TTC1: variants seen among roughly 807,000 people sequenced by gnomAD.
TTC1 encodes tetratricopeptide repeat protein 1.
In TTC1, 31 loss-of-function variants were observed where a neutral mutation model predicts 37.6. That is an observed-to-expected ratio of 0.82 (90% CI 0.62 to 1.11). The LOEUF (loss-of-function observed/expected upper bound fraction) is 1.11, where lower values mean the gene tolerates loss of function less well. Ranked by LOEUF, TTC1 falls within the 50% of genes most tolerant of loss-of-function variation. TTC1 has a pLI of 0.00. For missense variants in TTC1, 351 were observed against 339.0 expected, an observed-to-expected ratio of 1.04 and a Z score of -0.28; for synonymous variants, 127 against 122.4, an observed-to-expected ratio of 1.04 and a Z score of -0.25.
intron 7 of TTC1, among the ~76,000 whole-genome samples, chr5:160,061,058 C>A (rs1285237589): frequency 6.6e-6 from 1 of 152,246 alleles, no homozygotes; most frequent in Non-Finnish European, 1.5e-5. Flanking sequence ...TCAGTGGCCT[C>A]CTGTGGCACG....
At chr5:160,012,565 C>T (rs1245179672) in intron 2 of TTC1, among the ~76,000 whole-genome samples, 1 of 151,968 alleles carries the variant, frequency 6.6e-6, no homozygotes, top group East Asian at 1.9e-4. Context: ...GACAGTGTCT[C>T]ACCATGTTGC....
In TTC1 at chr5:160,045,526, T is replaced by A. The variant is rs1757213280; in HGVS notation, c.541+2357T>A. On this transcript the variant is annotated intron_variant, in intron 5 of 7. Transcript: ENST00000231238. ...CACACACACACACATACACACTCTC[T>A]CTCTCTCTCTCTCTCTCTCTCTCTC... Among the ~76,000 whole-genome samples the A allele has an allele frequency of 1.3e-3, 162 of 122,848 alleles. 1 individual carries two copies. The highest frequency in any genetic ancestry group is 2.5e-3 in the African/African-American group (78 of 31,076). 80.6% of individuals were successfully genotyped at this position (122,848 alleles called of 152,430 possible).
At chr5:160,032,655 C>T (rs2113365496) in intron 2 of TTC1, among the ~76,000 whole-genome samples, 1 of 142,492 alleles carries the variant, frequency 7.0e-6, no homozygotes, top group African/African-American at 2.6e-5. Flanking sequence ...CACTAAAAGA[C>T]ATGCATTCTG....
intron 2 of TTC1, among the ~76,000 whole-genome samples, chr5:160,025,105 G>A (rs916322843): frequency 1.3e-5 from 2 of 152,202 alleles, no homozygotes; most frequent in African/African-American, 2.4e-5. Context: ...TCAGCCCACT[G>A]CAACCTCTGC....
intron 2 of TTC1, chr5:160,023,617 G>A (rs1294704679): frequency 1.5e-5 from 12 of 788,470 alleles, no homozygotes; most frequent in South Asian, 3.6e-5. Context: ...GTTTTATCAC[G>A]AAACAGATCC....
rs147287039 is a variant in TTC1 at position 160,045,327 on chromosome 5, T to G, written c.541+2158T>G. Among the ~76,000 whole-genome samples the G allele has an allele frequency of 3.8e-3, 580 of 152,208 alleles. 1 individual carries two copies. Among genetic ancestry groups the G allele is most frequent in the Non-Finnish European group, 5.4e-3 (370 of 68,006 alleles). ...AGTGTTTTCCGCATTTGTTTTTGGA[T>G]TTGCTTAAACTAATATTTATGTGGT... On this transcript the variant is annotated intron_variant, in intron 5 of 7. Coordinates refer to ENST00000231238, the MANE Select transcript of TTC1 (RefSeq NM_003314.3).
At chr5:160,012,252 T>A (rs1487695064) in intron 2 of TTC1, among the ~76,000 whole-genome samples, 1 of 152,156 alleles carries the variant, frequency 6.6e-6, no homozygotes, top group East Asian at 1.9e-4. Context: ...ATTTGACAGT[T>A]GAATGGTTTG....
At chr5:160,030,697 T>TC (rs1350098836) in intron 2 of TTC1, among the ~76,000 whole-genome samples, 6 of 152,134 alleles carry the variant, frequency 3.9e-5, no homozygotes, top group African/African-American at 1.2e-4. Context: ...TGTCACTGTT[T>TC]CCCCCTAAGT....
intron 4 of TTC1, among the ~76,000 whole-genome samples, chr5:160,040,230 A>G (rs2113373989): frequency 6.6e-6 from 1 of 152,238 alleles, no homozygotes; most frequent in South Asian, 2.1e-4. Context: ...TGGTGCATCT[A>G]TATATATAGA....
At chr5:160,029,610 C>A (rs1222243210) in intron 2 of TTC1, among the ~76,000 whole-genome samples, 1 of 151,922 alleles carries the variant, frequency 6.6e-6, no homozygotes, top group Non-Finnish European at 1.5e-5. Context: ...ATCTCTTTAG[C>A]CTGGGTAGTA....
intron 6 of TTC1, among the ~76,000 whole-genome samples, chr5:160,050,342 G>C (rs1757368561): frequency 6.6e-6 from 1 of 151,724 alleles, no homozygotes; most frequent in African/African-American, 2.4e-5. Context: ...AGCTACTCGA[G>C]AGGCTGAGGC....
intron 2 of TTC1, chr5:160,023,607 G>A: frequency 1.4e-6 from 1 of 720,706 alleles, no homozygotes; most frequent in Non-Finnish European, 2.3e-6. Context: ...GTAGTTTCGT[G>A]TTTTATCACG....
At chr5:160,022,420 G>T (rs1291162812) in intron 2 of TTC1, among the ~76,000 whole-genome samples, 2 of 152,034 alleles carry the variant, frequency 1.3e-5, no homozygotes, top group Non-Finnish European at 2.9e-5. Flanking sequence ...TTGGAGGGTG[G>T]TTTTTTTGTT....
intron 4 of TTC1, among the ~76,000 whole-genome samples, chr5:160,040,014 G>T (rs1757059978): frequency 6.6e-6 from 1 of 152,088 alleles, no homozygotes. Flanking sequence ...TTTCATCATT[G>T]TGCAAACATC....
At chr5:160,063,272 A>G (rs527377236) in intron 7 of TTC1, among the ~76,000 whole-genome samples, 6 of 152,152 alleles carry the variant, frequency 3.9e-5, no homozygotes, top group South Asian at 2.1e-4. Flanking sequence ...CTGGAGTGCA[A>G]TGGTATGATC....
chr5:160,046,187 C>T (rs1180870955), intron 5 of TTC1, among the ~76,000 whole-genome samples: 1 of 152,236 alleles, frequency 6.6e-6, no homozygotes, highest in East Asian at 1.9e-4. Context: ...CCTTACTTCA[C>T]TTCCATGGAG....
intron 2 of TTC1, chr5:160,024,085 G>C (rs897093638): frequency 1.1e-6 from 1 of 880,248 alleles, no homozygotes; most frequent in Non-Finnish European, 1.9e-6. Context: ...GGGGGGATGG[G>C]CAATGGGTAG....
At chr5:160,022,076 G>A (rs1756720607) in intron 2 of TTC1, among the ~76,000 whole-genome samples, 1 of 152,160 alleles carries the variant, frequency 6.6e-6, no homozygotes, top group South Asian at 2.1e-4. Flanking sequence ...GCCGGAGTGA[G>A]AGTCTTGGTT....
intron 2 of TTC1, among the ~76,000 whole-genome samples, chr5:160,014,944 T>G (rs1196427675): frequency 1.3e-5 from 2 of 152,218 alleles, no homozygotes; most frequent in African/African-American, 4.8e-5. Flanking sequence ...CTGGTTCCTG[T>G]TACAGAGCCA....
Sources: allele counts gnomAD v4.1 joint callset (sites outside exome capture counted in the v4.1 genomes callset), GRCh38; gene constraint gnomAD v4.1.1; transcripts MANE v1.5; gene names NCBI Gene and HGNC (gene_info 2026-07-23, HGNC 2026-07-21).